Variants in ANKMY1 observed in about 807,000 individuals in gnomAD.
The protein encoded by ANKMY1 is ankyrin repeat and MYND domain containing 1, also known as ankyrin repeat and MYND domain-containing protein 1.
Under a neutral mutation model 102.0 loss-of-function variants are expected in ANKMY1, and 98 were observed. The ratio of observed to expected loss-of-function variants is 0.96; its 90% CI spans 0.82 to 1.14. ANKMY1 has a LOEUF of 1.14. ANKMY1 is among the 50% of genes most tolerant of loss of function. The pLI is 0.00. For missense variants in ANKMY1, 1,330 were observed against 1,347.6 expected (o/e 0.99, Z 0.20); for synonymous variants, 582 against 559.9 (o/e 1.04, Z -0.56).
chr2:240,560,345 C>A (rs368509546), upstream of ANKMY1: 19 of 208,466 alleles, frequency 9.1e-5, no homozygotes, highest in East Asian at 7.1e-4. Flanking sequence ...CAGGGCGCTG[C>A]GCCCAAGAGC....
intron 13 of ANKMY1, among the ~76,000 whole-genome samples, chr2:240,505,028 T>C (rs935380192): frequency 6.8e-6 from 1 of 147,914 alleles, no homozygotes; most frequent in African/African-American, 2.5e-5. Context: ...CCATCTCGCA[T>C]CCATTAGGAT....
chr2:240,482,285 T>C (rs1167233547), intron 15 of ANKMY1, 24 bp from the exon 16 acceptor site: 1 of 1,599,830 alleles, frequency 6.3e-7, no homozygotes, highest in Non-Finnish European at 8.5e-7. Flanking sequence ...GGTCCCGCAT[T>C]AGTACCCACG....
upstream of ANKMY1, chr2:240,560,939 G>A (rs1395405842): frequency 2.6e-6 from 4 of 1,536,022 alleles, no homozygotes; most frequent in Non-Finnish European, 2.6e-6. Flanking sequence ...TGGAGCCCAC[G>A]TGCGCCGCCA....
chr2:240,500,019 C>T lies in ANKMY1; in HGVS notation c.2745G>A (p.Arg915=). 15 of 1,613,092 alleles carry T rather than the reference C, an allele frequency of 9.3e-6. No individual in the cohort carries two copies. The highest frequency in any genetic ancestry group is 1.7e-4 in the Middle Eastern group (1 of 6,052). The part of the protein sequence containing the change: ...RLLEYMGLQL[R]QAVFAKESQW... Reference sequence around the variant, plus strand: ...GGCTCTCCTTGGCAAAGACAGCCTGCCGTAGCTGCAAGCCCATGTACTCCA... The same window carrying T: ...GGCTCTCCTTGGCAAAGACAGCCTGTCGTAGCTGCAAGCCCATGTACTCCA... The change falls in exon 15 of 18, where the codon CGG becomes CGA. Residue 915 remains arginine, a synonymous_variant. Coordinates refer to ENST00000401804, the MANE Select transcript of ANKMY1 (RefSeq NM_001282771.3).
Position 240,524,041 on chromosome 2 carries a change from G to A in ANKMY1, c.1676C>T (p.Ser559Phe). The change falls in exon 8 of 18, where the codon TCC becomes TTC. Residue 559 changes from serine (S) to phenylalanine (F), a missense_variant. Ser to Phe is a radical substitution (Grantham distance 155, BLOSUM62 -2). Transcript: ENST00000401804. The part of the protein sequence containing the change: ...SLCSAETKFE[S>F]NVCVCDFSIE... ...GGAGAAGTCGCACACACACACGTTG[G>A]ACTCAAATTTCGTCTCAGCACTGCA... 6.2e-7 allele frequency: 1 copy of A among 1,613,986 alleles called. No individual in the cohort carries two copies. The highest frequency in any genetic ancestry group is 8.5e-7 in the Non-Finnish European group (1 of 1,180,018).
Position 240,479,572 on chromosome 2 carries a change from T to G in ANKMY1, c.*37A>C. The stretch of plus-strand genomic sequence containing the variant: ...GGCAGGTAAGAAACCCACACAGTCC[T>G]GGGTCCTCCCCAAGCCTCGGACGTG... On this transcript the variant is annotated 3_prime_UTR_variant, in exon 18 of 18. Transcript: ENST00000401804. 2 of 1,612,046 alleles carry G rather than the reference T, an allele frequency of 1.2e-6. No homozygotes were observed. The highest frequency in any genetic ancestry group is 2.2e-5 in the South Asian group (2 of 91,032).
downstream of ANKMY1, chr2:240,479,325 A>G: frequency 1.9e-6 from 1 of 515,390 alleles, no homozygotes; most frequent in Middle Eastern, 5.2e-4. Flanking sequence ...GCCATGCCCC[A>G]TGGGAGGCCA....
At chr2:240,547,332 A>G (rs2090589421) in intron 4 of ANKMY1, among the ~76,000 whole-genome samples, 1 of 152,232 alleles carries the variant, frequency 6.6e-6, no homozygotes, top group South Asian at 2.1e-4. Context: ...AAGACATAAC[A>G]TACCAGAATC....
chr2:240,523,842 T>C, intron 8 of ANKMY1, 43 bp downstream of exon 8: 2 of 1,592,614 alleles, frequency 1.3e-6, no homozygotes, highest in Non-Finnish European at 1.7e-6. Context: ...GATTCAGCCC[T>C]GATGGTGGCC....
Position 240,557,185 on chromosome 2 carries a change from CG to C in ANKMY1, c.146+4del. 6.6e-7 allele frequency: 1 copy of C among 1,515,646 alleles called. No individual in the cohort carries two copies. The allele number at this position is 1,515,646 out of a possible 1,614,324, so 93.9% of individuals were successfully genotyped here. On this transcript the variant is annotated splice_donor_region_variant and intron_variant, in intron 2 of 17. Transcript: ENST00000401804. ...CGGACCTCCCCGCTGGAGGGTCCCC[CG>C]CACCTTGTGGCGAAGACAGCGTAGT...
chr2:240,557,106 T>C (rs1287857538), intron 2 of ANKMY1, 84 bp downstream of exon 2: 3 of 1,358,170 alleles, frequency 2.2e-6, no homozygotes, highest in Non-Finnish European at 2.9e-6. Flanking sequence ...TTCAGGGATT[T>C]TTACTGCTTG....
chr2:240,536,194 T>C (rs2086682143), intron 4 of ANKMY1, among the ~76,000 whole-genome samples: 1 of 152,168 alleles, frequency 6.6e-6, no homozygotes, highest in African/African-American at 2.4e-5. Flanking sequence ...TACAGAGCCA[T>C]GCTTAGAAAG....
intron 11 of ANKMY1, among the ~76,000 whole-genome samples, chr2:240,509,737 A>G (rs1315465643): frequency 6.6e-6 from 1 of 152,158 alleles, no homozygotes; most frequent in Non-Finnish European, 1.5e-5. Flanking sequence ...AGTTGATTTA[A>G]AGTTTGTTTT....
intron 11 of ANKMY1, 45 bp from the exon 12 acceptor site, chr2:240,509,500 A>C: frequency 7.6e-7 from 1 of 1,324,326 alleles, no homozygotes; most frequent in Non-Finnish European, 1.1e-6. Flanking sequence ...CCCCACCCAT[A>C]AGCAGCACCT....
At chr2:240,536,281 C>A (rs2086710966) in intron 4 of ANKMY1, among the ~76,000 whole-genome samples, 1 of 151,398 alleles carries the variant, frequency 6.6e-6, no homozygotes, top group African/African-American at 2.4e-5. Flanking sequence ...AAAGAAAATT[C>A]TTTTTTTTTC....
chr2:240,473,887 C>A, the ANKMY1 span, among the ~76,000 whole-genome samples: 1 of 152,228 alleles, frequency 6.6e-6, no homozygotes, highest in Non-Finnish European at 1.5e-5. Flanking sequence ...AGGACATATA[C>A]AACAAGCCTA....
In ANKMY1 at chr2:240,499,912, G is replaced by A. The variant is rs12994526; in HGVS notation, c.2806+46C>T. 5.8e-6 allele frequency: 9 copies of A among 1,555,016 alleles called. No individual in the cohort carries two copies. The highest frequency in any genetic ancestry group is 1.4e-5 in the African/African-American group (1 of 73,728). On this transcript the variant is annotated intron_variant, in intron 15 of 17. Coordinates refer to ENST00000401804, the MANE Select transcript of ANKMY1 (RefSeq NM_001282771.3). This position sits in a 1 kb window ranked among gnomAD's most constrained non-coding sequence, Gnocchi z 4.2. ...GGATAACAGCCCCAGGCACGAGGCC[G>A]GAACGCCGCCCTGTGGAGCAGAGCA...
At chr2:240,515,577 T>G (rs2081049067) in intron 9 of ANKMY1, among the ~76,000 whole-genome samples, 2 of 152,184 alleles carry the variant, frequency 1.3e-5, no homozygotes, top group African/African-American at 4.8e-5. Context: ...ATAAACGTTT[T>G]ATGGAAGTCT....
intron 16 of ANKMY1, 120 bp downstream of exon 16, chr2:240,482,063 A>G: frequency 8.8e-7 from 1 of 1,142,338 alleles, no homozygotes; most frequent in Non-Finnish European, 1.3e-6. Flanking sequence ...AGGCCATGCC[A>G]CTTGGGGGTC....
Sources: gnomAD v4.1 joint callset for allele counts (sites outside exome capture counted in the v4.1 genomes callset) on GRCh38, gnomAD v4.1.1 for gene constraint, Gnocchi (gnomAD v3.1) non-coding constraint, MANE v1.5 for transcripts, NCBI Gene and HGNC (gene_info 2026-07-23, HGNC 2026-07-21) for gene names.